The following MROH9 variants were observed in gnomAD, a reference collection of about 807,000 sequenced individuals.
MROH9 encodes maestro heat-like repeat-containing protein family member 9.
A neutral mutation model predicts 98.2 loss-of-function variants in MROH9; 92 were observed. That is an observed-to-expected ratio of 0.94 (90% CI 0.79 to 1.11). The LOEUF (loss-of-function observed/expected upper bound fraction) is 1.11. Ranked by LOEUF, MROH9 falls within the 50% of genes most tolerant of loss-of-function variation. The pLI, the probability that MROH9 is intolerant of heterozygous loss-of-function variation, is 0.00. For missense variants in MROH9, 1,057 were observed against 1,014.8 expected (o/e 1.04, Z -0.57); for synonymous variants, 397 against 368.9 (o/e 1.08, Z -0.87).
intron 15 of MROH9, among the ~76,000 whole-genome samples, chr1:171,006,638 C>T (rs1442474370): frequency 2.0e-5 from 3 of 151,014 alleles, no homozygotes; most frequent in Admixed American, 6.6e-5. Flanking sequence ...CCTTACATCC[C>T]TGTCTTTACT....
chr1:170,942,973 T>G (rs562022575), intron 1 of MROH9, among the ~76,000 whole-genome samples: 1 of 152,164 alleles, frequency 6.6e-6, no homozygotes, highest in South Asian at 2.1e-4. Context: ...AAGAGCAAAT[T>G]TACATATACT....
intron 11 of MROH9, among the ~76,000 whole-genome samples, chr1:170,990,692 G>A (rs187674302): frequency 6.6e-6 from 1 of 152,192 alleles, no homozygotes; most frequent in Admixed American, 6.5e-5. Context: ...AAGAGGACTT[G>A]GGCTTTGGAA....
At chr1:171,015,908 T>G (rs1365066856) in intron 16 of MROH9, among the ~76,000 whole-genome samples, 1 of 152,172 alleles carries the variant, frequency 6.6e-6, no homozygotes. Flanking sequence ...AATGGTAAAA[T>G]GTAGCGAAAG....
chr1:170,936,144 G>C (rs1648872609), intron 1 of MROH9, among the ~76,000 whole-genome samples: 1 of 151,994 alleles, frequency 6.6e-6, no homozygotes, highest in Admixed American at 6.6e-5. Flanking sequence ...TTATTAGTAA[G>C]GATGAGAGAA....
At chr1:170,997,342 G>T (rs887712461) in intron 14 of MROH9, among the ~76,000 whole-genome samples, 3 of 152,102 alleles carry the variant, frequency 2.0e-5, no homozygotes, top group Non-Finnish European at 4.4e-5. Flanking sequence ...CCTGCAAGTT[G>T]TCACAAGTTG....
chr1:171,036,260 T>C (rs1304824906), intron 20 of MROH9, among the ~76,000 whole-genome samples: 1 of 152,144 alleles, frequency 6.6e-6, no homozygotes, highest in Non-Finnish European at 1.5e-5. Flanking sequence ...GGATTACTGG[T>C]AATGTCTTGT....
At chr1:171,045,054 T>C (rs919316161) in intron 20 of MROH9, among the ~76,000 whole-genome samples, 1 of 127,320 alleles carries the variant, frequency 7.9e-6, no homozygotes, top group Middle Eastern at 4.1e-3. Context: ...CAGGCTGGAC[T>C]GCAGTGGTGC....
chr1:171,017,439 G>T (rs573439635), intron 17 of MROH9, among the ~76,000 whole-genome samples: 3 of 152,276 alleles, frequency 2.0e-5, no homozygotes, highest in African/African-American at 7.2e-5. Context: ...TCCCACTTGT[G>T]AGCCCATGCC....
intron 17 of MROH9, among the ~76,000 whole-genome samples, chr1:171,017,448 C>A (rs1279830504): frequency 6.6e-6 from 1 of 152,162 alleles, no homozygotes; most frequent in African/African-American, 2.4e-5. Context: ...TGAGCCCATG[C>A]CATAAGGACC....
chr1:171,042,807 T>C (rs1653348457), intron 20 of MROH9, among the ~76,000 whole-genome samples: 1 of 152,192 alleles, frequency 6.6e-6, no homozygotes, highest in Admixed American at 6.5e-5. Context: ...TCTATTCAAA[T>C]CTTTTGCTCA....
At chr1:170,977,147 G>A (rs1353314212) in intron 8 of MROH9, among the ~76,000 whole-genome samples, 1 of 151,922 alleles carries the variant, frequency 6.6e-6, no homozygotes. Flanking sequence ...TCATTTTATT[G>A]TGAGTCTTAG....
intron 17 of MROH9, among the ~76,000 whole-genome samples, chr1:171,021,927 A>T (rs755614373): frequency 2.4e-4 from 36 of 152,158 alleles, no homozygotes; most frequent in Non-Finnish European, 2.6e-4. Flanking sequence ...ACCCCATCAA[A>T]AAGTGGGCAA....
At chr1:170,963,160 T>C (rs1306816311) in intron 6 of MROH9, among the ~76,000 whole-genome samples, 1 of 148,434 alleles carries the variant, frequency 6.7e-6, no homozygotes, top group Non-Finnish European at 1.5e-5. Flanking sequence ...CATTACAAAG[T>C]GGGCAAAGGA....
At chr1:171,015,283 A>C (rs1216269497) in intron 16 of MROH9, 1 of 298,184 alleles carries the variant, frequency 3.4e-6, no homozygotes, top group Non-Finnish European at 6.5e-6. Flanking sequence ...CTTAGTAAGC[A>C]GCAAATTATT....
intron 7 of MROH9, among the ~76,000 whole-genome samples, chr1:170,969,078 C>G (rs1237370138): frequency 6.6e-6 from 1 of 152,160 alleles, no homozygotes; most frequent in African/African-American, 2.4e-5. Context: ...ACACAGAAAT[C>G]TTAGGTATAT....
chr1:170,969,902 G>T (rs1396450037), intron 7 of MROH9, among the ~76,000 whole-genome samples: 3 of 152,130 alleles, frequency 2.0e-5, no homozygotes, highest in Non-Finnish European at 4.4e-5. Flanking sequence ...AACTGTGGTT[G>T]TCACGCTTCT....
In MROH9 at chr1:171,024,710, T is replaced by C. The variant is rs535549515; in HGVS notation, c.2123T>C (p.Leu708Pro). The C allele has an allele frequency of 6.8e-5, 106 of 1,551,294 alleles. No individual in the cohort carries two copies. In the South Asian group the frequency reaches 1.1e-3, roughly 16 times the overall value. ...TTAAAGTGGTCAACATCACGTTTGCTCAAAGATGAAAATTACAGTTTTGAG... is the reference window on the plus strand; with the variant it reads ...TTAAAGTGGTCAACATCACGTTTGCCCAAAGATGAAAATTACAGTTTTGAG... The part of the protein sequence containing the change: ...SQLKWSTSRL[L>P]KDENYSFEMV... The change falls in exon 19 of 22, where the codon CTC (leucine) becomes CCC (proline). Residue 708 changes from leucine (L) to proline (P), a missense_variant. By Grantham distance (98) the Leu-to-Pro change is moderately conservative. Coordinates refer to ENST00000367759, the MANE Select transcript of MROH9 (RefSeq NM_001163629.2).
chr1:171,016,097 A>T, intron 16 of MROH9, 66 bp from the exon 17 acceptor site: 1 of 1,143,246 alleles, frequency 8.7e-7, no homozygotes. Flanking sequence ...CAAGGTATCC[A>T]TATAAATGTC....
chr1:171,057,673 C>T (rs552613325), intron 20 of MROH9, among the ~76,000 whole-genome samples: 2 of 152,252 alleles, frequency 1.3e-5, no homozygotes, highest in South Asian at 2.1e-4. Context: ...TCATCAGATT[C>T]TCCAAGGTCA....
Sources: gnomAD v4.1 joint callset for allele counts (sites outside exome capture counted in the v4.1 genomes callset) on GRCh38, gnomAD v4.1.1 for gene constraint, MANE v1.5 for transcripts, NCBI Gene and HGNC (gene_info 2026-07-23, HGNC 2026-07-21) for gene names.